Variants in DSCAM observed in about 807,000 individuals in gnomAD.
The protein encoded by DSCAM is cell adhesion molecule DSCAM.
A neutral mutation model predicts 217.7 loss-of-function variants in DSCAM; 47 were observed. The observed-to-expected ratio is 0.22, with a 90% CI of 0.17 to 0.28. The LOEUF (loss-of-function observed/expected upper bound fraction) is 0.28, where lower values mean the gene tolerates loss of function less well. Among genes scored for constraint, DSCAM ranks in the 10% least tolerant of loss-of-function variants. DSCAM has a pLI of 1.00. For missense variants in DSCAM, 2,080 were observed against 2,618.3 expected, an observed-to-expected ratio of 0.79 and a Z score of 4.49; for synonymous variants, 1,056 against 1,015.3, an observed-to-expected ratio of 1.04 and a Z score of -0.76.
intron 3 of DSCAM, among the ~76,000 whole-genome samples, chr21:40,480,593 C>T (rs985297914): frequency 6.6e-6 from 1 of 152,160 alleles, no homozygotes; most frequent in Non-Finnish European, 1.5e-5. Flanking sequence ...GTATTGAAAC[C>T]TATCTTCATG....
chr21:40,036,998 G>T (rs567503369), intron 32 of DSCAM, among the ~76,000 whole-genome samples: 2 of 150,526 alleles, frequency 1.3e-5, no homozygotes, highest in African/African-American at 5.0e-5. Flanking sequence ...AATAAATTAG[G>T]TATTGATGGG....
At chr21:40,042,325 G>A (rs757271103) in intron 32 of DSCAM, 46 bp downstream of exon 32, 44 of 1,585,572 alleles carry the variant, frequency 2.8e-5, no homozygotes, top group Admixed American at 8.5e-5. Flanking sequence ...GACCAGGAAG[G>A]TGCACTTCCC....
chr21:40,318,529 C>G (rs2074225650), intron 8 of DSCAM, among the ~76,000 whole-genome samples: 1 of 152,156 alleles, frequency 6.6e-6, no homozygotes. Flanking sequence ...GAGTCAATAT[C>G]TGGCCTTGTT....
chr21:40,144,812 A>T lies in DSCAM; in HGVS notation c.3019-81T>A, dbSNP rs2090335878. On this transcript the variant is annotated intron_variant, in intron 16 of 32. Coordinates refer to ENST00000400454, the MANE Select transcript of DSCAM (RefSeq NM_001389.5). The surrounding 1 kb of genome is among the most constrained non-coding windows in gnomAD (Gnocchi z 4.8). ...AATCAACGCCCACACCCACGTAGGA[A>T]AGCAGAAATAAAGTGGAGTCATCGC... 1 of 1,578,922 alleles carries T rather than the reference A, an allele frequency of 6.3e-7. No homozygotes were observed. Among genetic ancestry groups the T allele is most frequent in the South Asian group, 1.1e-5 (1 of 87,940 alleles).
chr21:40,608,885 C>T (rs939091491), intron 3 of DSCAM, among the ~76,000 whole-genome samples: 1 of 152,138 alleles, frequency 6.6e-6, no homozygotes, highest in African/African-American at 2.4e-5. Context: ...CTCGTTTTCA[C>T]CCTGGGTAAT....
intron 3 of DSCAM, among the ~76,000 whole-genome samples, chr21:40,373,251 T>C (rs546964316): frequency 3.3e-4 from 50 of 152,320 alleles, no homozygotes; most frequent in African/African-American, 1.2e-3. Context: ...CAGGCATGCA[T>C]GATCTCCAGA....
At chr21:40,254,885 C>T (rs952447997) in intron 11 of DSCAM, among the ~76,000 whole-genome samples, 2 of 151,958 alleles carry the variant, frequency 1.3e-5, no homozygotes, top group Admixed American at 6.6e-5. Flanking sequence ...TTATCTCTCA[C>T]GTGCCATCTA....
chr21:40,094,039 A>T lies in DSCAM; in HGVS notation c.3697-165T>A, dbSNP rs114725882. ...ATATAAAATGTAACTGGTAAGTTTA[A>T]GTGACCCACCATCTACATTTTTCTC... On this transcript the variant is annotated intron_variant, in intron 20 of 32. Transcript: ENST00000400454. Among the ~76,000 whole-genome samples the T allele has an allele frequency of 8.8e-3, 1,342 of 152,364 alleles. 20 individuals are homozygous for T. The highest frequency in any genetic ancestry group is 0.031 in the African/African-American group (1,284 of 41,592).
chr21:40,803,551 G>T (rs1238946197), intron 1 of DSCAM, among the ~76,000 whole-genome samples: 2 of 152,262 alleles, frequency 1.3e-5, no homozygotes, highest in Non-Finnish European at 2.9e-5. Flanking sequence ...CGGGCCCCCA[G>T]ACTCCCCCTT....
chr21:40,478,199 T>C (rs2075953667), intron 3 of DSCAM, among the ~76,000 whole-genome samples: 2 of 152,336 alleles, frequency 1.3e-5, no homozygotes, highest in South Asian at 4.1e-4. Context: ...TTCATTCTCA[T>C]TTCTTAGCTG....
At chr21:40,342,322 T>A (rs571501148) in intron 6 of DSCAM, among the ~76,000 whole-genome samples, 1 of 152,188 alleles carries the variant, frequency 6.6e-6, no homozygotes, top group African/African-American at 2.4e-5. Context: ...AAATATTTTA[T>A]CCCAGTCTGT....
intron 11 of DSCAM, among the ~76,000 whole-genome samples, chr21:40,244,607 C>T (rs1000345345): frequency 9.2e-5 from 14 of 152,168 alleles, no homozygotes; most frequent in Admixed American, 3.3e-4. Context: ...ATGGGGCGCA[C>T]GAGGAAAGCT....
At chr21:40,330,581 C>T (rs2074367954) in intron 8 of DSCAM, among the ~76,000 whole-genome samples, 1 of 151,848 alleles carries the variant, frequency 6.6e-6, no homozygotes, top group Non-Finnish European at 1.5e-5. Flanking sequence ...TTAAGTCATT[C>T]CACCTCCAGG....
At chr21:40,124,529 G>A (rs904073333) in intron 19 of DSCAM, among the ~76,000 whole-genome samples, 3 of 152,118 alleles carry the variant, frequency 2.0e-5, no homozygotes, top group African/African-American at 7.2e-5. Context: ...TGGAGGTAGG[G>A]TCTTTACAGA....
chr21:40,073,576 C>T (rs562238467), intron 27 of DSCAM, among the ~76,000 whole-genome samples: 32 of 152,274 alleles, frequency 2.1e-4, no homozygotes, highest in African/African-American at 7.0e-4. Context: ...CTGTATTATA[C>T]GCTTGTAGTT....
intron 3 of DSCAM, among the ~76,000 whole-genome samples, chr21:40,545,345 A>T (rs988844039): frequency 3.3e-5 from 5 of 152,180 alleles, no homozygotes; most frequent in Admixed American, 6.5e-5. Flanking sequence ...AATATTTATT[A>T]ATCTTCACAA....
chr21:40,344,844 A>C (rs1417016065), intron 6 of DSCAM, among the ~76,000 whole-genome samples: 1 of 152,158 alleles, frequency 6.6e-6, no homozygotes, highest in Non-Finnish European at 1.5e-5. Context: ...TTATCTCTGA[A>C]TACTTTTTTC....
chr21:40,575,400 C>G (rs768390855), intron 3 of DSCAM, among the ~76,000 whole-genome samples: 2 of 151,744 alleles, frequency 1.3e-5, no homozygotes, highest in Non-Finnish European at 2.9e-5. Context: ...TTCACACGGA[C>G]GCGAATGAAA....
intron 32 of DSCAM, among the ~76,000 whole-genome samples, chr21:40,029,707 T>C (rs943672785): frequency 2.0e-5 from 3 of 152,196 alleles, no homozygotes; most frequent in Non-Finnish European, 1.5e-5. Flanking sequence ...TTGACCATGC[T>C]GTTTTCCCTC....
Sources: allele counts gnomAD v4.1 joint callset (sites outside exome capture counted in the v4.1 genomes callset), GRCh38; gene constraint gnomAD v4.1.1; non-coding constraint Gnocchi (gnomAD v3.1); transcripts MANE v1.5; gene names NCBI Gene and HGNC (gene_info 2026-07-23, HGNC 2026-07-21).